KY: variants seen among roughly 807,000 people sequenced by gnomAD.
KY encodes the protein kyphoscoliosis peptidase.
KY carries 43 observed loss-of-function variants against 76.1 expected under a neutral mutation model. That is an observed-to-expected ratio of 0.57 (90% CI 0.44 to 0.73). KY has a LOEUF of 0.73. Among genes scored for constraint, KY ranks in the 30% least tolerant of loss-of-function variants. The probability of loss-of-function intolerance (pLI) is 0.00; values close to 1 mark genes in which losing one functional copy is unlikely to be tolerated. For synonymous variants in KY, 277 were observed against 326.2 expected, an observed-to-expected ratio of 0.85 and a Z score of 1.63; for missense variants, 722 against 828.9, an observed-to-expected ratio of 0.87 and a Z score of 1.58.
Position 134,603,477 on chromosome 3 carries a change from A to C in KY, c.*102T>G. The C allele has an allele frequency of 9.6e-7, 1 of 1,041,260 alleles. No homozygotes were observed. The highest frequency in any genetic ancestry group is 1.4e-6 in the Non-Finnish European group (1 of 715,110). 64.5% of individuals were successfully genotyped at this position (1,041,260 alleles called of 1,614,324 possible). On this transcript the variant is annotated 3_prime_UTR_variant, in exon 11 of 11. Transcript: ENST00000423778. ...GAGGCAGAGGCCTAGAAGGGATTTC[A>C]TGCAGACTCAGTGGTGTCCAGGGCT...
At chr3:134,628,407 C>T (rs2107894473) in intron 4 of KY, among the ~76,000 whole-genome samples, 1 of 152,312 alleles carries the variant, frequency 6.6e-6, no homozygotes, top group South Asian at 2.1e-4. Flanking sequence ...CGATCTGGAA[C>T]CAGGTCAGGA....
intron 2 of KY, among the ~76,000 whole-genome samples, chr3:134,646,353 A>G (rs765199146): frequency 6.6e-6 from 1 of 152,014 alleles, no homozygotes; most frequent in Non-Finnish European, 1.5e-5. Context: ...GTGTGTCTTG[A>G]GGACTCTTAC....
At position 134,619,129 on chromosome 3, in the gene KY, G is replaced by A. The variant is rs753809303; in HGVS notation, c.710+19C>T. The A allele has an allele frequency of 5.7e-6, 9 of 1,592,210 alleles. No homozygotes were observed. In the African/African-American group the frequency reaches 1.2e-4, roughly 21 times the overall value. On this transcript the variant is annotated intron_variant, in intron 8 of 10. Coordinates refer to ENST00000423778, the MANE Select transcript of KY (RefSeq NM_178554.6). ...GGGATGGGTCCGGTGGTCAGCATGGGGACTCCTGTCTCTCGTACCTGCACA... is the reference window on the plus strand; with the variant it reads ...GGGATGGGTCCGGTGGTCAGCATGGAGACTCCTGTCTCTCGTACCTGCACA...
chr3:134,638,631 C>T (rs886143000), intron 3 of KY, among the ~76,000 whole-genome samples: 17 of 152,216 alleles, frequency 1.1e-4, no homozygotes, highest in Admixed American at 2.0e-4. Flanking sequence ...TCCTAGACCC[C>T]GCCAGCTCTC....
intron 10 of KY, chr3:134,606,866 G>A (rs1959269314): frequency 1.1e-6 from 1 of 948,178 alleles, no homozygotes; most frequent in African/African-American, 1.8e-5. Flanking sequence ...GAGCCTGGCA[G>A]CTTTCCAGCC....
chr3:134,645,967 C>A (rs1039917486), intron 2 of KY, among the ~76,000 whole-genome samples: 1 of 152,152 alleles, frequency 6.6e-6, no homozygotes, highest in Admixed American at 6.5e-5. Flanking sequence ...AATAACATGC[C>A]TGAGAAGCCC....
intron 3 of KY, among the ~76,000 whole-genome samples, chr3:134,632,580 C>CA (rs757013601): frequency 2.6e-5 from 4 of 151,768 alleles, no homozygotes; most frequent in Non-Finnish European, 4.4e-5. Flanking sequence ...TAAAACATAT[C>CA]AAAATGTGTG....
In KY at chr3:134,610,383, C is replaced by G. The variant is rs1324551679; in HGVS notation, c.711G>C (p.Arg237Ser). ...GYAGLFERMC[R>S]LAGVQCMTVP... is the part of the protein sequence containing the mutation. ...CGGTCATACACTGCACTCCGGCGAG[C>G]CTGGGGGCAGGACAGGGGGTCTGAG... Residue 237 changes from arginine (R) to serine (S), a missense_variant and splice_region_variant, in exon 9 of 11, where the codon AGG becomes AGC. Coordinates refer to ENST00000423778, the MANE Select transcript of KY (RefSeq NM_178554.6). 6.2e-7 allele frequency: 1 copy of G among 1,610,168 alleles called. No homozygotes were observed. The highest frequency in any genetic ancestry group is 1.1e-5 in the South Asian group (1 of 90,802).
chr3:134,650,745 C>T, intron 1 of KY, 80 bp downstream of exon 1: 3 of 1,312,706 alleles, frequency 2.3e-6, no homozygotes, highest in African/African-American at 1.5e-5. Context: ...GAGCAATGGG[C>T]GCCCCCCGGC....
rs572513367 is a variant in KY at position 134,600,130 on chromosome 3, G to A, written c.*3449C>T. 7.2e-5 allele frequency among the ~76,000 whole-genome samples: 11 copies of A among 152,280 alleles called. No homozygotes were observed. In the South Asian group the frequency reaches 2.3e-3, roughly 32 times the overall value. ...CGGGCAATAGAGGCACACCATCTTC[G>A]AAAATTTTGCCAATAGCAAATGATG... On this transcript the variant is annotated 3_prime_UTR_variant, in exon 11 of 11. Transcript: ENST00000423778.
intron 10 of KY, 51 bp downstream of exon 10, chr3:134,608,598 C>G: frequency 6.2e-7 from 1 of 1,613,484 alleles, no homozygotes; most frequent in Non-Finnish European, 8.5e-7. Context: ...GAGGACAGTG[C>G]GAAATGCTCC....
intron 6 of KY, among the ~76,000 whole-genome samples, chr3:134,621,191 A>G (rs1434637796): frequency 2.0e-5 from 3 of 152,186 alleles, no homozygotes; most frequent in African/African-American, 4.8e-5. Context: ...CAAAATTCCA[A>G]TAGCTTTTTG....
rs1279460499 is a variant in KY, at chr3:134,603,642, C to A, written c.1923G>T (p.Val641=). The change falls in exon 11 of 11, where the codon GTG becomes GTT. Residue 641 remains valine, a synonymous_variant. Coordinates refer to ENST00000423778, the MANE Select transcript of KY (RefSeq NM_178554.6). ...AGAAATTGTGGTTGGCATTCTCCAG[C>A]ACCATGACATAGACTTCCTGGCAGC... The part of the protein sequence containing the change: ...TAGCQEVYVM[V]LENANHNFYS... 8 of 1,611,964 alleles carry A rather than the reference C, an allele frequency of 5.0e-6. No homozygotes were observed. Among genetic ancestry groups the A allele is most frequent in the Admixed American group, 1.7e-5 (1 of 59,708 alleles).
At chr3:134,629,475 T>C (rs1277637584) in intron 4 of KY, 146 bp downstream of exon 4, 1 of 623,856 alleles carries the variant, frequency 1.6e-6, no homozygotes, top group Admixed American at 2.7e-5. Flanking sequence ...AGGATAAAGC[T>C]GTCATGCTTC....
chr3:134,627,640 G>T, intron 5 of KY, 116 bp downstream of exon 5: 1 of 839,808 alleles, frequency 1.2e-6, no homozygotes, highest in Non-Finnish European at 2.0e-6. Context: ...GAACCCAAAG[G>T]TGGCCCCAGC....
At chr3:134,611,370 C>T (rs1163589583) in intron 8 of KY, among the ~76,000 whole-genome samples, 7 of 152,158 alleles carry the variant, frequency 4.6e-5, no homozygotes, top group Admixed American at 2.0e-4. Context: ...CAAAGCAAGA[C>T]CCCTGGGTGT....
intron 6 of KY, among the ~76,000 whole-genome samples, chr3:134,624,180 C>T (rs932751812): frequency 3.9e-5 from 6 of 152,184 alleles, no homozygotes; most frequent in African/African-American, 1.2e-4. Flanking sequence ...CTCTCCCCCA[C>T]CTCCCACCCA....
At position 134,650,945 on chromosome 3, in the gene KY, CCTT is replaced by C. The variant is rs1560152722; in HGVS notation, c.13_15del (p.Lys5del). On this transcript the variant is annotated inframe_deletion, in exon 1 of 11. Coordinates refer to ENST00000423778, the MANE Select transcript of KY (RefSeq NM_178554.6). ...ATGTCGATAGATACAGCGTTGATGT[CCTT>C]CTTCAGCTCCATGATGCCGCCTCCT... 6.2e-7 allele frequency: 1 copy of C among 1,613,324 alleles called. No individual in the cohort carries two copies. The highest frequency in any genetic ancestry group is 8.5e-7 in the Non-Finnish European group (1 of 1,179,518).
chr3:134,649,360 C>T (rs1966809902), intron 1 of KY, among the ~76,000 whole-genome samples: 1 of 152,148 alleles, frequency 6.6e-6, no homozygotes, highest in African/African-American at 2.4e-5. Context: ...ATTCTTTGCC[C>T]TTTCTAGTGT....
Sources: allele counts gnomAD v4.1 joint callset (sites outside exome capture counted in the v4.1 genomes callset), GRCh38; gene constraint gnomAD v4.1.1; transcripts MANE v1.5; gene names NCBI Gene and HGNC (gene_info 2026-07-23, HGNC 2026-07-21).